The following NAALADL2 variants were observed in gnomAD, a reference collection of about 807,000 sequenced individuals.
The protein encoded by NAALADL2 is inactive N-acetylated-alpha-linked acidic dipeptidase-like protein 2.
In NAALADL2, 76 loss-of-function variants were observed where a neutral mutation model predicts 87.2. The ratio of observed to expected loss-of-function variants is 0.87; its 90% CI spans 0.72 to 1.05. The LOEUF (loss-of-function observed/expected upper bound fraction) is 1.05, where lower values mean the gene tolerates loss of function less well. Ranked by LOEUF, NAALADL2 falls within the 50% of genes least tolerant of loss-of-function variation. NAALADL2 has a pLI of 0.00. For missense variants in NAALADL2, 1,089 were observed against 945.8 expected, an observed-to-expected ratio of 1.15 and a Z score of -1.99; for synonymous variants, 354 against 331.0, an observed-to-expected ratio of 1.07 and a Z score of -0.75.
At chr3:175,257,859 T>C (rs1235853395) in intron 4 of NAALADL2, among the ~76,000 whole-genome samples, 2 of 151,710 alleles carry the variant, frequency 1.3e-5, no homozygotes, top group African/African-American at 4.8e-5. Context: ...ATTAATGACA[T>C]GTGCTAGATA....
At chr3:175,754,958 G>T (rs1390421227) in intron 12 of NAALADL2, among the ~76,000 whole-genome samples, 3 of 152,110 alleles carry the variant, frequency 2.0e-5, no homozygotes, top group Non-Finnish European at 4.4e-5. Flanking sequence ...GAGACAGAAT[G>T]CTTTGGGCAA....
intron 5 of NAALADL2, among the ~76,000 whole-genome samples, chr3:175,416,443 T>C (rs1373816304): frequency 6.6e-6 from 1 of 152,296 alleles, no homozygotes; most frequent in African/African-American, 2.4e-5. Context: ...ACCACTTCCT[T>C]ACTGGAATTA....
At chr3:175,579,420 T>C (rs1719421279) in intron 10 of NAALADL2, among the ~76,000 whole-genome samples, 1 of 152,180 alleles carries the variant, frequency 6.6e-6, no homozygotes, top group Non-Finnish European at 1.5e-5. Context: ...TTCCCACCAA[T>C]GGCTTTTACC....
chr3:175,391,620 G>A (rs58404244), intron 5 of NAALADL2, among the ~76,000 whole-genome samples: 125 of 152,220 alleles, frequency 8.2e-4, no homozygotes, highest in Middle Eastern at 3.4e-3. Context: ...AGCCTTCAGA[G>A]GAGATCTCAG....
rs1384433075 is a variant in NAALADL2 at position 174,882,657 on chromosome 3, ATGTG to A, written c.43+23208_43+23211del. Among the ~76,000 whole-genome samples the A allele has an allele frequency of 6.2e-3, 903 of 146,764 alleles. 4 individuals carry two copies. Among genetic ancestry groups the A allele is most frequent in the Non-Finnish European group, 0.01 (687 of 66,480 alleles). The stretch of plus-strand genomic sequence containing the variant: ...TATACACATATGTGCATATACACAT[ATGTG>A]CATATACACATATGTGTATATGTGT... On this transcript the variant is annotated intron_variant, in intron 1 of 13. Transcript: ENST00000454872.
At chr3:175,692,396 A>T (rs1737170118) in intron 11 of NAALADL2, among the ~76,000 whole-genome samples, 1 of 152,142 alleles carries the variant, frequency 6.6e-6, no homozygotes, top group African/African-American at 2.4e-5. Context: ...TCTGTAGTGG[A>T]CATTGTGGTC....
chr3:174,817,431 G>T (rs1720926873), intron 3 of NAALADL2, among the ~76,000 whole-genome samples: 2 of 151,986 alleles, frequency 1.3e-5, no homozygotes, highest in Admixed American at 6.6e-5. Flanking sequence ...GTGACACCAT[G>T]TCTCTACAAA....
At chr3:175,341,574 A>G (rs1451645482) in intron 5 of NAALADL2, among the ~76,000 whole-genome samples, 2 of 152,140 alleles carry the variant, frequency 1.3e-5, no homozygotes, top group African/African-American at 2.4e-5. Flanking sequence ...TTGTTTGAAG[A>G]ACTGACAAAC....
chr3:175,606,068 T>A (rs935973505), intron 10 of NAALADL2, among the ~76,000 whole-genome samples: 1 of 152,120 alleles, frequency 6.6e-6, no homozygotes, highest in Non-Finnish European at 1.5e-5. Context: ...ATCACTACGA[T>A]GTTGTATGTC....
chr3:174,893,312 C>G (rs900871658), intron 1 of NAALADL2, among the ~76,000 whole-genome samples: 79 of 131,494 alleles, frequency 6.0e-4, no homozygotes, highest in Admixed American at 1.1e-3. Flanking sequence ...GTACTTCAAC[C>G]CCCCCCCGCA....
At chr3:174,582,978 G>C (rs1452984801) in intron 2 of NAALADL2, among the ~76,000 whole-genome samples, 1 of 152,120 alleles carries the variant, frequency 6.6e-6, no homozygotes, top group Non-Finnish European at 1.5e-5. Context: ...AAGTTCATCT[G>C]GCATGCAAAT....
At chr3:174,957,697 G>A (rs780786609) in intron 1 of NAALADL2, among the ~76,000 whole-genome samples, 1 of 151,772 alleles carries the variant, frequency 6.6e-6, no homozygotes, top group African/African-American at 2.4e-5. Flanking sequence ...GCTTGGAATA[G>A]AATCTTTAAA....
At chr3:175,175,755 C>T (rs1238487628) in intron 2 of NAALADL2, among the ~76,000 whole-genome samples, 1 of 152,002 alleles carries the variant, frequency 6.6e-6, no homozygotes, top group Non-Finnish European at 1.5e-5. Flanking sequence ...TATGTTCACT[C>T]AATCTGTACT....
chr3:175,442,155 G>A lies in NAALADL2; in HGVS notation c.1091-5074G>A, dbSNP rs564608372. Among the ~76,000 whole-genome samples the A allele has an allele frequency of 3.3e-5, 5 of 152,110 alleles. No individual in the cohort carries two copies. In the South Asian group the frequency reaches 1.0e-3, roughly 32 times the overall value. On this transcript the variant is annotated intron_variant, in intron 5 of 13. Transcript: ENST00000454872. ...AGATGGGGTTTCACCATGTTGGCCA[G>A]GCTGTTCTCGATCTCCTGACCTCAG... is the stretch of plus-strand genomic sequence containing the variant.
intron 13 of NAALADL2, among the ~76,000 whole-genome samples, chr3:175,771,294 TTAG>T (rs955664643): frequency 2.0e-5 from 3 of 152,210 alleles, no homozygotes; most frequent in Admixed American, 6.5e-5. Context: ...TTATGTTATA[TTAG>T]TAGATTTTCT....
chr3:174,937,961 G>A (rs1387095673), intron 1 of NAALADL2, among the ~76,000 whole-genome samples: 1 of 151,864 alleles, frequency 6.6e-6, no homozygotes, highest in Non-Finnish European at 1.5e-5. Context: ...TTCACTATTT[G>A]TTAAAGGTAA....
At chr3:175,249,605 C>G (rs1449570896) in intron 3 of NAALADL2, among the ~76,000 whole-genome samples, 1 of 152,026 alleles carries the variant, frequency 6.6e-6, no homozygotes, top group Non-Finnish European at 1.5e-5. Flanking sequence ...CTTCTGGAAA[C>G]AAAAATTATT....
intron 1 of NAALADL2, among the ~76,000 whole-genome samples, chr3:175,084,380 T>G (rs1453417881): frequency 6.6e-6 from 1 of 152,286 alleles, no homozygotes; most frequent in East Asian, 1.9e-4. Flanking sequence ...TTCATTCATA[T>G]GCCTGGAACT....
At chr3:175,507,523 A>G (rs1423360421) in intron 9 of NAALADL2, among the ~76,000 whole-genome samples, 1 of 151,984 alleles carries the variant, frequency 6.6e-6, no homozygotes, top group Non-Finnish European at 1.5e-5. Context: ...CCCAGGTTCA[A>G]GTGATTCTCC....
Sources: allele counts gnomAD v4.1 joint callset (sites outside exome capture counted in the v4.1 genomes callset), GRCh38; gene constraint gnomAD v4.1.1; transcripts MANE v1.5; gene names NCBI Gene and HGNC (gene_info 2026-07-23, HGNC 2026-07-21).